Variants in FUT9 observed in about 807,000 individuals in gnomAD.
FUT9 encodes fucosyltransferase 9.
FUT9 carries 15 observed loss-of-function variants against 29.7 expected under a neutral mutation model. The ratio of observed to expected loss-of-function variants is 0.51; its 90% confidence interval spans 0.34 to 0.78. The LOEUF (loss-of-function observed/expected upper bound fraction) is 0.78. FUT9 is among the 30% of genes least tolerant of loss of function. FUT9 has a pLI of 0.01. For synonymous variants in FUT9, 169 were observed against 153.7 expected, an observed-to-expected ratio of 1.10 and a Z score of -0.74; for missense variants, 319 against 425.4, an observed-to-expected ratio of 0.75 and a Z score of 2.20.
At chr6:96,120,532 C>G (rs558075668) in intron 2 of FUT9, among the ~76,000 whole-genome samples, 2 of 150,130 alleles carry the variant, frequency 1.3e-5, no homozygotes, top group East Asian at 3.9e-4. Flanking sequence ...ATCCGCCCGC[C>G]TCGGCCTCCC....
chr6:96,190,962 C>T (rs1773496398), intron 2 of FUT9, among the ~76,000 whole-genome samples: 1 of 152,130 alleles, frequency 6.6e-6, no homozygotes, highest in South Asian at 2.1e-4. Flanking sequence ...AGCTGCGTTC[C>T]TTTGAAGGGG....
chr6:96,143,001 T>C (rs1582263786), intron 2 of FUT9, among the ~76,000 whole-genome samples: 1 of 152,220 alleles, frequency 6.6e-6, no homozygotes, highest in East Asian at 1.9e-4. Context: ...ATAAGGTAGA[T>C]ATTTTGTCTA....
intron 1 of FUT9, among the ~76,000 whole-genome samples, chr6:96,057,801 G>C (rs1272600074): frequency 6.6e-6 from 1 of 152,152 alleles, no homozygotes; most frequent in African/African-American, 2.4e-5. Flanking sequence ...AGGAAGTTTT[G>C]ATACCTAAAT....
At chr6:96,124,832 A>G (rs992543494) in intron 2 of FUT9, among the ~76,000 whole-genome samples, 25 of 152,274 alleles carry the variant, frequency 1.6e-4, no homozygotes, top group African/African-American at 5.8e-4. Context: ...TTCCAAAAAG[A>G]TGTATAATTT....
chr6:96,201,782 G>A (rs1773729638), intron 2 of FUT9, among the ~76,000 whole-genome samples: 1 of 150,824 alleles, frequency 6.6e-6, no homozygotes, highest in Non-Finnish European at 1.5e-5. Flanking sequence ...AACCAACTTT[G>A]ACAGGAAGCT....
chr6:96,205,683 A>G lies in FUT9; in HGVS notation c.*1448A>G, dbSNP rs1773815320. On this transcript the variant is annotated 3_prime_UTR_variant, in exon 3 of 3. Coordinates refer to ENST00000302103, the MANE Select transcript of FUT9 (RefSeq NM_006581.4). ...GATTCTTCAAGGAAAACATTCCTCA[A>G]AATGATCTTTAGTGCCTTTATTCCT... 3.6e-5 allele frequency: 6 copies of G among 166,436 alleles called. No individual in the cohort carries two copies. The Admixed American group carries it at 3.9e-4, about 11-fold the overall frequency. The allele number at this position is 166,436 out of a possible 1,614,324, so 10.3% of individuals were successfully genotyped here.
chr6:96,038,530 G>A (rs1184907213), intron 1 of FUT9, among the ~76,000 whole-genome samples: 7 of 152,122 alleles, frequency 4.6e-5, no homozygotes, highest in Non-Finnish European at 8.8e-5. Context: ...TTTAAAAAAT[G>A]TTAAGAATTC....
At chr6:96,123,829 A>T (rs1207365097) in intron 2 of FUT9, among the ~76,000 whole-genome samples, 1 of 151,940 alleles carries the variant, frequency 6.6e-6, no homozygotes, top group African/African-American at 2.4e-5. Context: ...ATCACAGAGG[A>T]AATGATGGAA....
chr6:96,098,466 C>T (rs1026473153), intron 1 of FUT9, among the ~76,000 whole-genome samples: 10 of 152,134 alleles, frequency 6.6e-5, no homozygotes, highest in Non-Finnish European at 1.5e-4. Context: ...TAGCTAGCTC[C>T]TTCTATCATT....
At chr6:96,068,659 T>A (rs971529619) in intron 1 of FUT9, among the ~76,000 whole-genome samples, 15 of 152,332 alleles carry the variant, frequency 9.8e-5, no homozygotes, top group African/African-American at 3.6e-4. Context: ...GGTATGAACT[T>A]CAGATTTCAG....
Position 96,204,302 on chromosome 6 carries a change from A to G in FUT9, c.*67A>G, listed in dbSNP as rs147507075. 532 of 1,114,540 alleles carry G rather than the reference A, an allele frequency of 4.8e-4. No homozygotes were observed. In the African/African-American group the frequency reaches 7.4e-3, roughly 16 times the overall value. 69.0% of individuals were successfully genotyped at this position (1,114,540 alleles called of 1,614,324 possible). A position where few individuals can be genotyped will look rare whatever the true frequency, so the allele number is the denominator to read the frequency against. ...ATATCATCCAAGTATTGAGGATAAG[A>G]AGAGATGCAACATACTACTTTTGTG... On this transcript the variant is annotated 3_prime_UTR_variant, in exon 3 of 3. Transcript: ENST00000302103.
At chr6:96,112,409 A>C (rs1328712610) in intron 1 of FUT9, among the ~76,000 whole-genome samples, 1 of 152,228 alleles carries the variant, frequency 6.6e-6, no homozygotes, top group East Asian at 1.9e-4. Flanking sequence ...TTTTAAAGAC[A>C]AGACAGATCC....
intron 2 of FUT9, among the ~76,000 whole-genome samples, chr6:96,183,904 CT>C (rs1298159902): frequency 1.3e-5 from 2 of 151,820 alleles, no homozygotes; most frequent in Non-Finnish European, 2.9e-5. Flanking sequence ...CTGTAGTTTT[CT>C]TTTTTTGTTA....
chr6:96,057,405 A>G, intron 1 of FUT9, among the ~76,000 whole-genome samples: 1 of 152,150 alleles, frequency 6.6e-6, no homozygotes. Context: ...GAGGAGAGAA[A>G]GCTCCAGTAA....
At chr6:96,035,653 C>CTAATATAATATAATATTATATTAAAATA (rs201146589) in intron 1 of FUT9, among the ~76,000 whole-genome samples, 1 of 134,790 alleles carries the variant, frequency 7.4e-6, no homozygotes, top group African/African-American at 2.7e-5. Flanking sequence ...ATTTATTATA[C>CTAATATAATATAATATTATATTAAAATA]TAATATAATA....
At chr6:96,095,905 C>T (rs533476531) in intron 1 of FUT9, among the ~76,000 whole-genome samples, 1 of 152,118 alleles carries the variant, frequency 6.6e-6, no homozygotes, top group African/African-American at 2.4e-5. Flanking sequence ...TATAGCAGTA[C>T]CTCAGTCATA....
Sources: gnomAD v4.1 joint callset for allele counts (sites outside exome capture counted in the v4.1 genomes callset) on GRCh38, gnomAD v4.1.1 for gene constraint, MANE v1.5 for transcripts, NCBI Gene and HGNC (gene_info 2026-07-23, HGNC 2026-07-21) for gene names.